Variants in EPB41L5 observed in about 807,000 individuals in gnomAD.
The protein encoded by EPB41L5 is band 4.1-like protein 5.
In EPB41L5, 55 loss-of-function variants were observed where a neutral mutation model predicts 106.6. The ratio of observed to expected loss-of-function variants is 0.52; its 90% confidence interval spans 0.42 to 0.65. The LOEUF (loss-of-function observed/expected upper bound fraction) is 0.65, where lower values mean the gene tolerates loss of function less well. EPB41L5 is among the 30% of genes least tolerant of loss of function. The probability of loss-of-function intolerance (pLI) is 0.00; values close to 1 mark genes in which losing one functional copy is unlikely to be tolerated. For missense variants in EPB41L5, 871 were observed against 882.1 expected, an observed-to-expected ratio of 0.99 and a Z score of 0.16; for synonymous variants, 297 against 306.7, an observed-to-expected ratio of 0.97 and a Z score of 0.33.
chr2:120,104,281 G>A, intron 16 of EPB41L5: 1 of 1,517,602 alleles, frequency 6.6e-7, no homozygotes, highest in Non-Finnish European at 8.8e-7. Context: ...TGTCATGCAA[G>A]TTGATGGTAT....
At chr2:120,068,083 C>T (rs1681571080) in intron 3 of EPB41L5, among the ~76,000 whole-genome samples, 1 of 152,166 alleles carries the variant, frequency 6.6e-6, no homozygotes, top group African/African-American at 2.4e-5. Flanking sequence ...AGGTACCCAG[C>T]TCATCTCATT....
intron 16 of EPB41L5, chr2:120,104,172 A>T (rs959964962): frequency 1.9e-5 from 29 of 1,535,964 alleles, no homozygotes; most frequent in African/African-American, 2.7e-5. Context: ...TCATGAGCAC[A>T]ATGTGAAGAA....
chr2:120,172,692 A>G (rs187582134), intron 24 of EPB41L5, among the ~76,000 whole-genome samples: 74 of 152,284 alleles, frequency 4.9e-4, no homozygotes, highest in Admixed American at 4.6e-3. Context: ...TCCAAAAAAG[A>G]AGTCATGGGA....
chr2:120,087,454 T>C (rs1365429688), intron 11 of EPB41L5, among the ~76,000 whole-genome samples: 2 of 152,204 alleles, frequency 1.3e-5, no homozygotes, highest in Non-Finnish European at 2.9e-5. Context: ...AAAAGTGTCT[T>C]CTTGTTTCCT....
intron 18 of EPB41L5, among the ~76,000 whole-genome samples, chr2:120,136,735 A>G (rs547103235): frequency 6.6e-6 from 1 of 152,178 alleles, no homozygotes; most frequent in Admixed American, 6.5e-5. Context: ...AAACTGGAGT[A>G]CCCAGATATG....
chr2:120,074,214 T>C (rs1682072981), intron 5 of EPB41L5, 36 bp downstream of exon 5: 1 of 1,495,166 alleles, frequency 6.7e-7, no homozygotes, highest in Non-Finnish European at 9.2e-7. Context: ...CAGGGTTATT[T>C]TGATAGTTTT....
chr2:120,137,127 G>C (rs148719073), intron 18 of EPB41L5, among the ~76,000 whole-genome samples: 1 of 152,058 alleles, frequency 6.6e-6, no homozygotes, highest in Non-Finnish European at 1.5e-5. Context: ...ATGACCAGTG[G>C]GTCAATGAAG....
In EPB41L5 at chr2:120,160,943, TC is replaced by T; in HGVS notation, c.1857del (p.Thr620HisfsTer9). On this transcript the variant is annotated frameshift_variant, in exon 21 of 25. Transcript: ENST00000263713. LOFTEE classifies it high-confidence loss of function. ...GAGTCTCTTGAGACTCTGATGCTTA[TC>T]ACACCTGCCGACAGTGGTTCTGTTC... ...PKESLETLML[I>X]TPADSGSVLK... The T allele has an allele frequency of 6.2e-7, 1 of 1,614,004 alleles. No homozygotes were observed. Among genetic ancestry groups the T allele is most frequent in the African/African-American group, 1.3e-5 (1 of 75,042 alleles).
chr2:120,026,046 C>T (rs1044758951), intron 2 of EPB41L5, among the ~76,000 whole-genome samples: 5 of 152,052 alleles, frequency 3.3e-5, no homozygotes, highest in African/African-American at 7.2e-5. Context: ...TTTTAACAAA[C>T]GGTACTTGGG....
At chr2:120,019,516 A>G (rs974517049) in intron 2 of EPB41L5, among the ~76,000 whole-genome samples, 2 of 152,180 alleles carry the variant, frequency 1.3e-5, no homozygotes, top group African/African-American at 4.8e-5. Flanking sequence ...AGTTATTGGC[A>G]TGAGTCTGTT....
At chr2:120,019,788 C>T (rs899726211) in intron 2 of EPB41L5, among the ~76,000 whole-genome samples, 2 of 152,180 alleles carry the variant, frequency 1.3e-5, no homozygotes, top group Non-Finnish European at 2.9e-5. Flanking sequence ...GGACTTTCTT[C>T]ATACCCCTCA....
At chr2:120,045,822 C>G (rs185051748) in intron 3 of EPB41L5, among the ~76,000 whole-genome samples, 76 of 151,860 alleles carry the variant, frequency 5.0e-4, no homozygotes, top group Admixed American at 1.2e-3. Flanking sequence ...CCCGTCCCCC[C>G]CTCAATGACA....
At chr2:120,142,106 T>G (rs1398597565) in intron 18 of EPB41L5, among the ~76,000 whole-genome samples, 4 of 59,092 alleles carry the variant, frequency 6.8e-5, no homozygotes, top group African/African-American at 1.8e-4. Context: ...CTCTGTGCTT[T>G]CTTTTTTAAA....
At chr2:120,161,675 T>C (rs935347320) in intron 21 of EPB41L5, among the ~76,000 whole-genome samples, 1 of 152,196 alleles carries the variant, frequency 6.6e-6, no homozygotes, top group Non-Finnish European at 1.5e-5. Flanking sequence ...TTCGGACCGG[T>C]ACTGGTCCAT....
chr2:120,105,781 C>G, intron 16 of EPB41L5: 1 of 985,164 alleles, frequency 1.0e-6, no homozygotes, highest in Non-Finnish European at 1.2e-6. Context: ...TTACATAGCT[C>G]AGATGATAAT....
intron 2 of EPB41L5, among the ~76,000 whole-genome samples, chr2:120,037,219 A>G (rs771396436): frequency 6.6e-5 from 10 of 152,182 alleles, no homozygotes; most frequent in Non-Finnish European, 1.2e-4. Context: ...CAAGGAGGCA[A>G]AAGACTTGCA....
intron 10 of EPB41L5, among the ~76,000 whole-genome samples, chr2:120,083,963 C>T (rs1390144364): frequency 6.6e-6 from 1 of 152,110 alleles, no homozygotes; most frequent in Non-Finnish European, 1.5e-5. Context: ...GTAGATCTTC[C>T]TCCATCCCTT....
At chr2:120,064,600 C>T (rs916027626) in intron 3 of EPB41L5, among the ~76,000 whole-genome samples, 3 of 152,078 alleles carry the variant, frequency 2.0e-5, no homozygotes, top group African/African-American at 7.2e-5. Flanking sequence ...ATGCCTAGTT[C>T]GATAGGATGC....
intron 13 of EPB41L5, 127 bp downstream of exon 13, chr2:120,091,788 T>C (rs1683428758): frequency 1.5e-6 from 1 of 677,774 alleles, no homozygotes; most frequent in Non-Finnish European, 2.5e-6. Flanking sequence ...TAAAGTACTT[T>C]TCTGGCAGAA....
Sources: gnomAD v4.1 joint callset for allele counts (sites outside exome capture counted in the v4.1 genomes callset) on GRCh38, gnomAD v4.1.1 for gene constraint, MANE v1.5 for transcripts, NCBI Gene and HGNC (gene_info 2026-07-23, HGNC 2026-07-21) for gene names.